PFAS: variants seen among roughly 807,000 people sequenced by gnomAD.
The protein encoded by PFAS is FGAM synthase.
Under a neutral mutation model 140.6 loss-of-function variants are expected in PFAS, and 97 were observed. That is an observed-to-expected ratio of 0.69 (90% CI 0.59 to 0.82). PFAS has a LOEUF of 0.82. PFAS is among the 40% of genes least tolerant of loss of function. PFAS has a pLI of 0.00. For synonymous variants in PFAS, 679 were observed against 718.8 expected (o/e 0.94, Z 0.88); for missense variants, 1,656 against 1,780.2 (o/e 0.93, Z 1.26).
intron 18 of PFAS, 69 bp downstream of exon 18, chr17:8,265,194 C>G: frequency 6.4e-7 from 1 of 1,561,748 alleles, no homozygotes; most frequent in Non-Finnish European, 8.8e-7. Flanking sequence ...CATCTGTAGC[C>G]CTTCATTTCA....
chr17:8,260,081 T>A (rs9891267), intron 11 of PFAS, among the ~76,000 whole-genome samples: 106,639 of 151,462 alleles, frequency 0.7, 38,958 homozygotes, highest in Non-Finnish European at 0.81. Context: ...AGTCTGGACG[T>A]AAGAGTGAGA....
chr17:8,266,373 G>T lies in PFAS; in HGVS notation c.2821+20G>T, dbSNP rs1208168251. 1 of 1,613,894 alleles carries T rather than the reference G, an allele frequency of 6.2e-7. No individual in the cohort carries two copies. Among genetic ancestry groups the T allele is most frequent in the East Asian group, 2.2e-5 (1 of 44,862 alleles). On this transcript the variant is annotated intron_variant, in intron 22 of 27. Coordinates refer to ENST00000314666, the MANE Select transcript of PFAS (RefSeq NM_012393.3). This position sits in a 1 kb window ranked among gnomAD's most constrained non-coding sequence, Gnocchi z 5.0. Reference sequence around the variant, plus strand: ...TTGATGGTAAGGAACCTGGGGTCTAGTCTCAGGCCCGGGCTGCCTTCTCTA... The same window carrying T: ...TTGATGGTAAGGAACCTGGGGTCTATTCTCAGGCCCGGGCTGCCTTCTCTA...
intron 1 of PFAS, among the ~76,000 whole-genome samples, chr17:8,250,965 C>CT (rs59091857): frequency 0.03 from 4,389 of 147,226 alleles, 100 homozygotes; most frequent in Non-Finnish European, 0.047. Context: ...CTGTGGGAGT[C>CT]TTTTTTTTTT....
rs578035699 is a variant in PFAS, at chr17:8,254,293, C to G, written c.270C>G (p.Val90=). ...GCTCCAATGACCTGCTGCTGGAGGT[C>G]GGGCCCAGGTAAGTATCTCATCCTG... ...LPGSNDLLLE[V]GPRLNFSTPT... Residue 90 remains valine (V), a synonymous_variant, in exon 3 of 28, where the codon GTC becomes GTG. Transcript: ENST00000314666. 5 of 1,613,754 alleles carry G rather than the reference C, an allele frequency of 3.1e-6. No individual in the cohort carries two copies. Among genetic ancestry groups the G allele is most frequent in the Non-Finnish European group, 4.2e-6 (5 of 1,179,970 alleles).
chr17:8,257,843 A>G lies in PFAS; in HGVS notation c.1112A>G (p.Tyr371Cys), dbSNP rs528586658. ...NLPWEDPSFQ[Y>C]PGNFARPLEV... ...CCCTGGGAGGATCCAAGCTTCCAGT[A>G]TCCTGGGAATTTTGCCCGGCCCCTG... Residue 371 changes from tyrosine (Y) to cysteine (C), a missense_variant, in exon 10 of 28, where the codon TAT (tyrosine) becomes TGT (cysteine). Transcript: ENST00000314666. 9 of 1,613,852 alleles carry G rather than the reference A, an allele frequency of 5.6e-6. No homozygotes were observed. The highest frequency in any genetic ancestry group is 5.3e-5 in the African/African-American group (4 of 75,028).
chr17:8,263,976 G>T (rs761951680), intron 15 of PFAS, 40 bp downstream of exon 15: 78 of 1,603,202 alleles, frequency 4.9e-5, no homozygotes, highest in Admixed American at 1.5e-4. Flanking sequence ...CACTGGGGCA[G>T]ACATGAGCCA....
In PFAS at chr17:8,267,508, C is replaced by T. The variant is rs750666141; in HGVS notation, c.3268-43C>T. The T allele has an allele frequency of 6.3e-7, 1 of 1,591,344 alleles. No homozygotes were observed. The highest frequency in any genetic ancestry group is 1.3e-5 in the African/African-American group (1 of 74,516). ...GCTGGGGGTGATTGTCCAGCCTCAG[C>T]TGCGTGTCCTCCCACCCACACTCCC... is the stretch of plus-strand genomic sequence containing the variant. On this transcript the variant is annotated intron_variant, in intron 25 of 27. Transcript: ENST00000314666. This position sits in a 1 kb window ranked among gnomAD's most constrained non-coding sequence, Gnocchi z 4.9.
At position 8,266,755 on chromosome 17, in the gene PFAS, C is replaced by G; in HGVS notation, c.2824C>G (p.Leu942Val). ...VDVPVPRVDV[L>V]SVLFAEEPGL... ...GACTCCCCACATTGCTCTCCCAGTC[C>G]TGTCTGTGCTGTTCGCTGAGGAGCC... The change falls in exon 23 of 28, where the codon CTG (leucine) becomes GTG (valine). Residue 942 changes from leucine (L) to valine (V), a missense_variant and splice_region_variant. By Grantham distance (32) the Leu-to-Val change is conservative. This residue lies in a region of PFAS where 883 missense variants were observed against 1,023.0 expected (regional missense o/e 0.86). Transcript: ENST00000314666. This position sits in a 1 kb window ranked among gnomAD's most constrained non-coding sequence, Gnocchi z 5.0. 6.2e-7 allele frequency: 1 copy of G among 1,602,354 alleles called. No individual in the cohort carries two copies. Among genetic ancestry groups the G allele is most frequent in the Non-Finnish European group, 8.5e-7 (1 of 1,174,904 alleles).
At chr17:8,264,798 A>C in intron 17 of PFAS, 97 bp from the exon 18 acceptor site, 1 of 1,021,488 alleles carries the variant, frequency 9.8e-7, no homozygotes, top group East Asian at 2.6e-5. Flanking sequence ...TGGGGGAAAG[A>C]CAGGCCTCCC....
chr17:8,260,713 C>T (rs1009474188), intron 11 of PFAS, among the ~76,000 whole-genome samples: 1 of 152,232 alleles, frequency 6.6e-6, no homozygotes, highest in African/African-American at 2.4e-5. Context: ...CAAGCCCCGC[C>T]TCCCGGGTTC....
chr17:8,257,788 C>T lies in PFAS; in HGVS notation c.1076-19C>T. On this transcript the variant is annotated intron_variant, in intron 9 of 27. Transcript: ENST00000314666. Reference sequence around the variant, plus strand: ...CACAGTTCATTCAGTTCATCCAGTTCTCTCTCCTTCCCTCCCAGGTTACAA... The same window carrying T: ...CACAGTTCATTCAGTTCATCCAGTTTTCTCTCCTTCCCTCCCAGGTTACAA... The T allele has an allele frequency of 1.2e-6, 2 of 1,613,466 alleles. No individual in the cohort carries two copies. Among genetic ancestry groups the T allele is most frequent in the Non-Finnish European group, 8.5e-7 (1 of 1,179,436 alleles).
rs114641730 is a variant in PFAS, at chr17:8,253,042, T to C, written c.-79-817T>C. On this transcript the variant is annotated intron_variant, in intron 1 of 27. Transcript: ENST00000314666. ...GGCCCCACCTCCAAATACCATAACA[T>C]TGAGGATTAGGGTTTCAATATATGA... Among the ~76,000 whole-genome samples, 935 of 152,174 alleles carry C rather than the reference T, an allele frequency of 6.1e-3. 12 individuals carry two copies. Among genetic ancestry groups the C allele is most frequent in the African/African-American group, 0.022 (900 of 41,536 alleles).
upstream of PFAS, among the ~76,000 whole-genome samples, chr17:8,248,939 A>C (rs1415591886): frequency 2.0e-5 from 3 of 152,142 alleles, no homozygotes; most frequent in Non-Finnish European, 4.4e-5. Flanking sequence ...CAGGAACTCA[A>C]ACACAGCCCG....
chr17:8,267,570 A>C lies in PFAS; in HGVS notation c.3287A>C (p.Gln1096Pro). 1.2e-6 allele frequency: 2 copies of C among 1,612,572 alleles called. No homozygotes were observed. Among genetic ancestry groups the C allele is most frequent in the Non-Finnish European group, 1.7e-6 (2 of 1,178,542 alleles). ...AGFEVWDVTM[Q>P]DLCSGAIGLD... ...TCGCAGGTATGGGACGTGACCATGC[A>C]GGACCTCTGCTCTGGGGCAATTGGG... Residue 1096 changes from glutamine to proline, a missense_variant, in exon 26 of 28, where the codon CAG (glutamine) becomes CCG (proline). By Grantham distance (76) the Gln-to-Pro change is moderately conservative (BLOSUM62 -1). Transcript: ENST00000314666. The surrounding 1 kb of genome is among the most constrained non-coding windows in gnomAD (Gnocchi z 4.9).
chr17:8,255,596 G>A lies in PFAS; in HGVS notation c.479G>A (p.Ser160Asn). 5 of 1,576,128 alleles carry A rather than the reference G, an allele frequency of 3.2e-6. No individual in the cohort carries two copies. Among genetic ancestry groups the A allele is most frequent in the Non-Finnish European group, 4.3e-6 (5 of 1,164,516 alleles). ...CAGCACTTCCCCCATCCCATCCAGA[G>A]TTTCTCCCCTGAGAGCATGCCGGAA... ...TEQHFPHPIQ[S>N]FSPESMPEPL... Residue 160 changes from serine (S) to asparagine (N), a missense_variant, in exon 5 of 28, where the codon AGT becomes AAT. Coordinates refer to ENST00000314666, the MANE Select transcript of PFAS (RefSeq NM_012393.3).
intron 17 of PFAS, 123 bp downstream of exon 17, chr17:8,264,724 G>A: frequency 8.6e-7 from 1 of 1,160,008 alleles, no homozygotes; most frequent in Non-Finnish European, 1.2e-6. Context: ...GCAGGGGCAG[G>A]GCAGCCACCC....
At chr17:8,248,163 C>T (rs1988945810), upstream of PFAS, 1 of 733,082 alleles carries the variant, frequency 1.4e-6, no homozygotes, top group Non-Finnish European at 2.4e-6. Context: ...CTTCTCGCTG[C>T]TCACCCCCTC....
intron 1 of PFAS, 166 bp downstream of exon 1, chr17:8,249,505 C>G (rs1051482876): frequency 6.6e-6 from 1 of 152,256 alleles, no homozygotes; most frequent in African/African-American, 2.4e-5. Flanking sequence ...TCCTATCTTG[C>G]GTGCGTTCCG....
In PFAS at chr17:8,264,875, A is replaced by G. The variant is rs761119485; in HGVS notation, c.2050-20A>G. 1 of 1,507,646 alleles carries G rather than the reference A, an allele frequency of 6.6e-7. No homozygotes were observed. Among genetic ancestry groups the G allele is most frequent in the Non-Finnish European group, 9.0e-7 (1 of 1,110,154 alleles). The allele number at this position is 1,507,646 out of a possible 1,614,324, so 93.4% of individuals were successfully genotyped here. On this transcript the variant is annotated intron_variant, in intron 17 of 27. Transcript: ENST00000314666. ...TGTCCCTGTCCCTTGCTCTCTTGCT[A>G]ACCCCACCTGGTTCCACAGGTGGAC...
Sources: gnomAD v4.1 joint callset for allele counts (sites outside exome capture counted in the v4.1 genomes callset) on GRCh38, gnomAD v4.1.1 for gene constraint, gnomAD v4.1.1 regional missense constraint, Gnocchi (gnomAD v3.1) non-coding constraint, MANE v1.5 for transcripts, NCBI Gene and HGNC (gene_info 2026-07-23, HGNC 2026-07-21) for gene names.